The following SKAP2 variants were observed in gnomAD, a reference collection of about 807,000 sequenced individuals.
SKAP2 encodes the protein src kinase-associated phosphoprotein 2.
A neutral mutation model predicts 54.9 loss-of-function variants in SKAP2; 28 were observed. The ratio of observed to expected loss-of-function variants is 0.51; its 90% confidence interval spans 0.38 to 0.70. The LOEUF (loss-of-function observed/expected upper bound fraction) is 0.70. SKAP2 is among the 30% of genes least tolerant of loss of function. The probability of loss-of-function intolerance (pLI) is 0.00; values close to 1 mark genes in which losing one functional copy is unlikely to be tolerated. For missense variants in SKAP2, 356 were observed against 424.1 expected (o/e 0.84, Z 1.41); for synonymous variants, 137 against 134.3 (o/e 1.02, Z -0.14).
intron 9 of SKAP2, among the ~76,000 whole-genome samples, chr7:26,711,638 G>GC (rs1326694556): frequency 2.6e-5 from 4 of 152,184 alleles, no homozygotes; most frequent in Non-Finnish European, 5.9e-5. Context: ...AGTCTGAGCA[G>GC]CAGAAATGGG....
intron 4 of SKAP2, among the ~76,000 whole-genome samples, chr7:26,804,256 C>G (rs540778529): frequency 1.1e-3 from 167 of 152,020 alleles, no homozygotes; most frequent in Admixed American, 3.5e-3. Flanking sequence ...TATATACCCA[C>G]AAAATTTTTT....
chr7:26,711,785 A>T lies in SKAP2; in HGVS notation c.796+13643T>A, dbSNP rs112341721. ...TGACCATGTTATATTTTAGGAAATC[A>T]ATCTGTTGGCACCACGTAGAATAGG... On this transcript the variant is annotated intron_variant, in intron 9 of 12. Transcript: ENST00000345317. 4.9e-4 allele frequency among the ~76,000 whole-genome samples: 75 copies of T among 152,320 alleles called. 1 individual carries two copies. The highest frequency in any genetic ancestry group is 1.8e-3 in the African/African-American group (74 of 41,568).
At chr7:26,792,553 A>C (rs1303143296) in intron 4 of SKAP2, among the ~76,000 whole-genome samples, 1 of 152,186 alleles carries the variant, frequency 6.6e-6, no homozygotes, top group Non-Finnish European at 1.5e-5. Context: ...AAGAACCATA[A>C]ATTCTAACTC....
chr7:26,699,816 A>G (rs1049356708), intron 9 of SKAP2, among the ~76,000 whole-genome samples: 7 of 152,114 alleles, frequency 4.6e-5, no homozygotes, highest in African/African-American at 1.4e-4. Flanking sequence ...CATCCACCAC[A>G]TGAAAAAAAA....
In SKAP2 at chr7:26,806,171, A is replaced by C. The variant is rs559704403; in HGVS notation, c.307+37859T>G. On this transcript the variant is annotated intron_variant, in intron 4 of 12. Transcript: ENST00000345317. ...TCTCTCCCTCTCCTTGGGCTTCCCT[A>C]TTCCCTGAGACATAACAATATTGAA... Among the ~76,000 whole-genome samples the C allele has an allele frequency of 1.8e-4, 27 of 152,244 alleles. No homozygotes were observed. The South Asian group carries it at 5.2e-3, about 29-fold the overall frequency.
chr7:26,782,722 G>A (rs538180938), intron 4 of SKAP2, among the ~76,000 whole-genome samples: 51 of 152,246 alleles, frequency 3.3e-4, no homozygotes, highest in African/African-American at 1.2e-3. Flanking sequence ...GCCTTTGGGA[G>A]GTGATTAGTC....
intron 9 of SKAP2, among the ~76,000 whole-genome samples, chr7:26,697,864 T>C (rs1786929245): frequency 6.6e-6 from 1 of 152,222 alleles, no homozygotes; most frequent in Non-Finnish European, 1.5e-5. Flanking sequence ...CAAATGCATA[T>C]GTATTCATTG....
At chr7:26,779,677 T>C (rs1229251695) in intron 4 of SKAP2, among the ~76,000 whole-genome samples, 1 of 152,034 alleles carries the variant, frequency 6.6e-6, no homozygotes, top group African/African-American at 2.4e-5. Context: ...GAGAAATTAC[T>C]GGAGGATTTT....
At chr7:26,789,034 C>A (rs3801846) in intron 4 of SKAP2, among the ~76,000 whole-genome samples, 5 of 151,960 alleles carry the variant, frequency 3.3e-5, no homozygotes, top group Admixed American at 6.6e-5. Context: ...ACAGTATGAA[C>A]CATTAGTTAA....
downstream of SKAP2, among the ~76,000 whole-genome samples, chr7:26,663,505 A>G (rs1230039273): frequency 6.6e-6 from 1 of 152,138 alleles, no homozygotes; most frequent in Non-Finnish European, 1.5e-5. Context: ...TCCAATAAAA[A>G]TTCTTCTTAA....
intron 1 of SKAP2, among the ~76,000 whole-genome samples, chr7:26,862,597 A>G (rs546772922): frequency 5.3e-5 from 8 of 152,104 alleles, no homozygotes; most frequent in Non-Finnish European, 1.2e-4. Context: ...AGGCAGAAAT[A>G]TATTGGAAGT....
At chr7:26,710,851 T>G (rs1787285250) in intron 9 of SKAP2, among the ~76,000 whole-genome samples, 2 of 152,186 alleles carry the variant, frequency 1.3e-5, no homozygotes, top group African/African-American at 4.8e-5. Context: ...TTTGAATTCT[T>G]TTATATACGT....
At chr7:26,766,012 T>C (rs557578842) in intron 4 of SKAP2, among the ~76,000 whole-genome samples, 1 of 152,308 alleles carries the variant, frequency 6.6e-6, no homozygotes, top group Non-Finnish European at 1.5e-5. Context: ...GTGAAGAAAG[T>C]CAATGGTAGC....
At chr7:26,804,675 G>C (rs182484357) in intron 4 of SKAP2, among the ~76,000 whole-genome samples, 10 of 150,652 alleles carry the variant, frequency 6.6e-5, no homozygotes, top group Non-Finnish European at 1.0e-4. Flanking sequence ...GGAGGCGGAG[G>C]TTGCAGTGAG....
chr7:26,845,668 C>T (rs1437454000), intron 3 of SKAP2, among the ~76,000 whole-genome samples: 1 of 152,162 alleles, frequency 6.6e-6, no homozygotes, highest in Non-Finnish European at 1.5e-5. Flanking sequence ...GCAGTGCTCA[C>T]GCCTGTAATC....
chr7:26,808,945 T>C (rs950650690), intron 4 of SKAP2, among the ~76,000 whole-genome samples: 3 of 152,090 alleles, frequency 2.0e-5, no homozygotes, highest in African/African-American at 4.8e-5. Flanking sequence ...AGTTGGTAAA[T>C]GGGGTTACAT....
At position 26,767,860 on chromosome 7, in the gene SKAP2, T is replaced by C. The variant is rs184743430; in HGVS notation, c.308-27896A>G. 1.6e-3 allele frequency among the ~76,000 whole-genome samples: 239 copies of C among 152,348 alleles called. 1 individual carries two copies. The highest frequency in any genetic ancestry group is 5.5e-3 in the African/African-American group (230 of 41,578). ...ATGATTTCTGTTCTTTTGCATTTAC[T>C]GAGGAGTGTTTTACTTCCAATTATG... is the stretch of plus-strand genomic sequence containing the variant. On this transcript the variant is annotated intron_variant, in intron 4 of 12. Coordinates refer to ENST00000345317, the MANE Select transcript of SKAP2 (RefSeq NM_003930.5).
At chr7:26,780,911 T>C (rs1185158965) in intron 4 of SKAP2, among the ~76,000 whole-genome samples, 1 of 152,164 alleles carries the variant, frequency 6.6e-6, no homozygotes, top group Non-Finnish European at 1.5e-5. Context: ...AAAAAGGCTA[T>C]TGTACTACGT....
intron 4 of SKAP2, among the ~76,000 whole-genome samples, chr7:26,789,671 C>T (rs777916231): frequency 6.6e-6 from 1 of 152,142 alleles, no homozygotes; most frequent in African/African-American, 2.4e-5. Flanking sequence ...CAAGCCTTAA[C>T]CATCTGTCAA....
Sources: gnomAD v4.1 joint callset for allele counts (sites outside exome capture counted in the v4.1 genomes callset) on GRCh38, gnomAD v4.1.1 for gene constraint, MANE v1.5 for transcripts, NCBI Gene and HGNC (gene_info 2026-07-23, HGNC 2026-07-21) for gene names.